Variants in HYOU1 observed in about 807,000 individuals in gnomAD.
The protein encoded by HYOU1 is hypoxia up-regulated 1.
In HYOU1, 40 loss-of-function variants were observed where a neutral mutation model predicts 120.5. The observed-to-expected ratio is 0.33, with a 90% CI of 0.26 to 0.43. The LOEUF (loss-of-function observed/expected upper bound fraction) is 0.43. Ranked by LOEUF, HYOU1 falls within the 20% of genes least tolerant of loss-of-function variation. The pLI is 1.00. For synonymous variants in HYOU1, 501 were observed against 479.4 expected, an observed-to-expected ratio of 1.05 and a Z score of -0.59; for missense variants, 1,085 against 1,278.3, an observed-to-expected ratio of 0.85 and a Z score of 2.31.
chr11:119,054,114 C>T lies in HYOU1; in HGVS notation c.794+7G>A. On this transcript the variant is annotated splice_region_variant and intron_variant, in intron 8 of 25. Coordinates refer to ENST00000617285, the MANE Select transcript of HYOU1 (RefSeq NM_006389.5). ...CAAGCAGCCCTCCCTGCCAAGTATC[C>T]ACTTACCCTACTCCCCGGATCTGCA... 1 of 1,584,666 alleles carries T rather than the reference C, an allele frequency of 6.3e-7. No individual in the cohort carries two copies. The highest frequency in any genetic ancestry group is 8.7e-7 in the Non-Finnish European group (1 of 1,153,612).
rs1944000474 is a variant in HYOU1, at chr11:119,045,404, C to T, written c.*189G>A. 3 of 709,246 alleles carry T rather than the reference C, an allele frequency of 4.2e-6. No homozygotes were observed. The highest frequency in any genetic ancestry group is 5.3e-5 in the East Asian group (2 of 38,008). The allele number at this position is 709,246 out of a possible 1,614,324, so 43.9% of individuals were successfully genotyped here. On this transcript the variant is annotated 3_prime_UTR_variant, in exon 26 of 26. Coordinates refer to ENST00000617285, the MANE Select transcript of HYOU1 (RefSeq NM_006389.5). ...GAGGAGAACAGTTTCCATTTTTAAC[C>T]ACAGAGGTACTGCAGAAGGAACCAG...
In HYOU1 at chr11:119,047,962, G is replaced by GA; in HGVS notation, c.2494dup (p.Ser832PhefsTer20). ...GGCTGCTCACTTGAGGAACATGCTG[G>GA]AATGGTTGAGGAGATTATCGAGGGC... On this transcript the variant is annotated frameshift_variant, in exon 21 of 26. Transcript: ENST00000617285. LOFTEE classifies it high-confidence loss of function. 1.2e-6 allele frequency: 2 copies of GA among 1,614,198 alleles called. No homozygotes were observed. The highest frequency in any genetic ancestry group is 1.7e-6 in the Non-Finnish European group (2 of 1,180,030).
At position 119,047,719 on chromosome 11, in the gene HYOU1, T is replaced by C. The variant is rs2134681490; in HGVS notation, c.2595+15A>G. 2.5e-6 allele frequency: 4 copies of C among 1,603,506 alleles called. No individual in the cohort carries two copies. In the African/African-American group the frequency reaches 4.0e-5, roughly 16 times the overall value. ...GGCAGCTAAGTATCTGGTTAAGTAT[T>C]TACGAAGTGATTACCCAGGTCTCAT... is the stretch of plus-strand genomic sequence containing the variant. On this transcript the variant is annotated intron_variant, in intron 22 of 25. Coordinates refer to ENST00000617285, the MANE Select transcript of HYOU1 (RefSeq NM_006389.5).
At chr11:119,047,037 A>C (rs1370997189) in intron 22 of HYOU1, 5 of 519,146 alleles carry the variant, frequency 9.6e-6, no homozygotes, top group Admixed American at 7.1e-5. Context: ...AGTGACTACA[A>C]CTGAACAAAC....
intron 16 of HYOU1, 71 bp from the exon 17 acceptor site, chr11:119,049,274 GCCGACC>G: frequency 6.3e-7 from 1 of 1,591,272 alleles, no homozygotes; most frequent in African/African-American, 1.3e-5. Context: ...GCTCGGCACC[GCCGACC>G]CCATGGGGGT....
rs2133609790 is a variant in HYOU1 at position 119,055,072 on chromosome 11, G to A, written c.420-12C>T. On this transcript the variant is annotated splice_polypyrimidine_tract_variant and intron_variant, in intron 5 of 25. Transcript: ENST00000617285. This position sits in a 1 kb window ranked among gnomAD's most constrained non-coding sequence, Gnocchi z 4.0. ...AGAACTGCAGCTGCCTGAGGGGAAG[G>A]AAGGTAGTTGGAGCCAAGGAAAGCC... 14 of 1,613,948 alleles carry A rather than the reference G, an allele frequency of 8.7e-6. No individual in the cohort carries two copies. The highest frequency in any genetic ancestry group is 1.2e-5 in the Non-Finnish European group (14 of 1,179,952).
Position 119,057,187 on chromosome 11 carries a change from G to A in HYOU1, c.-175C>T, listed in dbSNP as rs1176714840. 2 of 151,100 alleles carry A rather than the reference G, an allele frequency of 1.3e-5. No homozygotes were observed. The highest frequency in any genetic ancestry group is 3.0e-5 in the Non-Finnish European group (2 of 67,722). The allele number at this position is 151,100 out of a possible 1,614,324, so 9.4% of individuals were successfully genotyped here. A position where few individuals can be genotyped will look rare whatever the true frequency, so the allele number is the denominator to read the frequency against. On this transcript the variant is annotated 5_prime_UTR_variant, in exon 1 of 26. Coordinates refer to ENST00000617285, the MANE Select transcript of HYOU1 (RefSeq NM_006389.5). ...GCGTCTCGCGCACCAGCCGGCCCCG[G>A]ACGCGGCGCGCGCTCATTGGAGCCT...
intron 16 of HYOU1, 143 bp from the exon 17 acceptor site, chr11:119,049,346 A>C: frequency 6.4e-7 from 1 of 1,553,450 alleles, no homozygotes; most frequent in South Asian, 1.2e-5. Flanking sequence ...GACTGTGGCA[A>C]TCTAGCTGGA....
rs1944207173 is a variant in HYOU1 at position 119,048,316 on chromosome 11, C to T, written c.2308G>A (p.Glu770Lys). ...QEVSTEEQRE[E>K]ISGKLSAAST... The stretch of plus-strand genomic sequence containing the variant: ...GCGGCGCTGAGCTTCCCAGAGATCT[C>T]CTCACGCTGCTCCTCTGTGGACACT... Residue 770 changes from glutamate (E) to lysine (K), a missense_variant, in exon 20 of 26, where the codon GAG (glutamate) becomes AAG (lysine). This residue lies in a region of HYOU1 where 516 missense variants were observed against 517.1 expected (regional missense o/e 1.00). Coordinates refer to ENST00000617285, the MANE Select transcript of HYOU1 (RefSeq NM_006389.5). This position sits in a 1 kb window ranked among gnomAD's most constrained non-coding sequence, Gnocchi z 4.7. 1.9e-6 allele frequency: 3 copies of T among 1,610,844 alleles called. No homozygotes were observed. The South Asian group carries it at 3.3e-5, about 18-fold the overall frequency.
In HYOU1 at chr11:119,048,145, T is replaced by C; in HGVS notation, c.2377-65A>G. The C allele has an allele frequency of 6.2e-7, 1 of 1,611,794 alleles. No homozygotes were observed. Among genetic ancestry groups the C allele is most frequent in the Non-Finnish European group, 8.5e-7 (1 of 1,179,604 alleles). On this transcript the variant is annotated intron_variant, in intron 20 of 25. Transcript: ENST00000617285. This position sits in a 1 kb window ranked among gnomAD's most constrained non-coding sequence, Gnocchi z 4.7. ...ACAGCAGAGCCTGGAGTCAGCCCCA[T>C]GTCCTTCTTTATGGGCTCAAGCCCC...
At position 119,048,118 on chromosome 11, in the gene HYOU1, C is replaced by G. The variant is rs201125780; in HGVS notation, c.2377-38G>C. The G allele has an allele frequency of 6.2e-7, 1 of 1,613,098 alleles. No homozygotes were observed. Among genetic ancestry groups the G allele is most frequent in the African/African-American group, 1.3e-5 (1 of 74,910 alleles). Reference sequence around the variant, plus strand: ...CGATTGGGCAGAGGGGTGGAAGGGACGACAGCAGAGCCTGGAGTCAGCCCC... The same window carrying G: ...CGATTGGGCAGAGGGGTGGAAGGGAGGACAGCAGAGCCTGGAGTCAGCCCC... On this transcript the variant is annotated intron_variant, in intron 20 of 25. Transcript: ENST00000617285. The surrounding 1 kb of genome is among the most constrained non-coding windows in gnomAD (Gnocchi z 4.7).
Position 119,049,572 on chromosome 11 carries a change from C to T in HYOU1, c.1790G>A (p.Gly597Asp). The T allele has an allele frequency of 6.2e-7, 1 of 1,614,150 alleles. No homozygotes were observed. The highest frequency in any genetic ancestry group is 1.1e-5 in the South Asian group (1 of 91,084). The change falls in exon 16 of 26, where the codon GGT becomes GAT. Residue 597 changes from glycine to aspartate, a missense_variant. Around this residue, in one of 4 missense-constraint regions of HYOU1, gnomAD observed 516 missense variants for 517.1 expected, o/e 1.00. Coordinates refer to ENST00000617285, the MANE Select transcript of HYOU1 (RefSeq NM_006389.5). The part of the protein sequence containing the change: ...GGTTPDAKEN[G>D]TDTVQEEEES... Reference sequence around the variant, plus strand: ...TGAACTCACCTGGACAGTATCAGTACCATTCTCCTTGGCATCTGGTGTGGT... The same window carrying T: ...TGAACTCACCTGGACAGTATCAGTATCATTCTCCTTGGCATCTGGTGTGGT...
chr11:119,051,837 T>C lies in HYOU1; in HGVS notation c.1320A>G (p.Ala440=), dbSNP rs1036439642. 6.2e-7 allele frequency: 1 copy of C among 1,614,002 alleles called. No homozygotes were observed. Among genetic ancestry groups the C allele is most frequent in the African/African-American group, 1.3e-5 (1 of 74,882 alleles). The change falls in exon 12 of 26, where the codon GCA becomes GCG. Residue 440 remains alanine, a synonymous_variant. Coordinates refer to ENST00000617285, the MANE Select transcript of HYOU1 (RefSeq NM_006389.5). This position sits in a 1 kb window ranked among gnomAD's most constrained non-coding sequence, Gnocchi z 4.2. ...CACTCACCAGGATGGGGTAGACCAC[T>C]GCATCTCGGACGACAAATGGCTTCA... ...FKVKPFVVRD[A]VVYPILVEFT...
intron 24 of HYOU1, 148 bp downstream of exon 24, chr11:119,046,265 CTTTT>C (rs11349624): frequency 3.7e-3 from 1,823 of 491,620 alleles, no homozygotes; most frequent in African/African-American, 6.7e-3. Flanking sequence ...CGTGCCTGGC[CTTTT>C]TTTTTTTTTT....
chr11:119,048,806 C>G lies in HYOU1; in HGVS notation c.2073G>C (p.Arg691Ser), dbSNP rs1944241085. The part of the protein sequence containing the change: ...PEGEKKQKPA[R>S]KRRMVEEIGV... ...CGATCTCCTCTACCATTCGCCGCTT[C>G]CTGGCGGGCTTCTGCTTCTTCTCTC... is the stretch of plus-strand genomic sequence containing the variant. The change falls in exon 18 of 26, where the codon AGG (arginine) becomes AGC (serine). Residue 691 changes from arginine to serine, a missense_variant. Around this residue, in one of 4 missense-constraint regions of HYOU1, gnomAD observed 516 missense variants for 517.1 expected, o/e 1.00. Coordinates refer to ENST00000617285, the MANE Select transcript of HYOU1 (RefSeq NM_006389.5). The surrounding 1 kb of genome is among the most constrained non-coding windows in gnomAD (Gnocchi z 4.7). The G allele has an allele frequency of 1.2e-6, 2 of 1,614,148 alleles. No homozygotes were observed. Among genetic ancestry groups the G allele is most frequent in the Non-Finnish European group, 1.7e-6 (2 of 1,180,024 alleles).
rs201754853 is a variant in HYOU1, at chr11:119,048,470, A to C, written c.2253+6T>G. 1.9e-4 allele frequency: 307 copies of C among 1,613,858 alleles called. 2 individuals carry two copies. Among genetic ancestry groups the C allele is most frequent in the Middle Eastern group, 1.2e-3 (7 of 6,042 alleles). ...GTGGGGGGGCTGCTGCCTCCTGCCC[A>C]CTGACCTGGGTCTCAAATATGAATG... On this transcript the variant is annotated splice_donor_region_variant and intron_variant, in intron 19 of 25. Coordinates refer to ENST00000617285, the MANE Select transcript of HYOU1 (RefSeq NM_006389.5). This position sits in a 1 kb window ranked among gnomAD's most constrained non-coding sequence, Gnocchi z 4.7.
At position 119,052,968 on chromosome 11, in the gene HYOU1, A is replaced by G; in HGVS notation, c.795-139T>C. The G allele has an allele frequency of 1.3e-6, 1 of 746,190 alleles. No individual in the cohort carries two copies. The highest frequency in any genetic ancestry group is 2.1e-6 in the Non-Finnish European group (1 of 468,014). The allele number at this position is 746,190 out of a possible 1,614,324, so 46.2% of individuals were successfully genotyped here. A position where few individuals can be genotyped will look rare whatever the true frequency, so the allele number is the denominator to read the frequency against. ...CATCTCCAGTGCCCCATGTGTGGAC[A>G]CACACTCTGCCCTCAACTCTCTACA... is the stretch of plus-strand genomic sequence containing the variant. On this transcript the variant is annotated intron_variant, in intron 8 of 25. Transcript: ENST00000617285. This position sits in a 1 kb window ranked among gnomAD's most constrained non-coding sequence, Gnocchi z 5.0.
In HYOU1 at chr11:119,052,485, G is replaced by A; in HGVS notation, c.988-56C>T. The A allele has an allele frequency of 6.2e-7, 1 of 1,611,228 alleles. No homozygotes were observed. The highest frequency in any genetic ancestry group is 8.5e-7 in the Non-Finnish European group (1 of 1,178,474). On this transcript the variant is annotated intron_variant, in intron 9 of 25. Transcript: ENST00000617285. This position sits in a 1 kb window ranked among gnomAD's most constrained non-coding sequence, Gnocchi z 5.0. The stretch of plus-strand genomic sequence containing the variant: ...CTTGCCCAGCTCCCGCTCTCTTGGT[G>A]AGTAGGACAGAAACAAAAAGAATAG...
At position 119,048,040 on chromosome 11, in the gene HYOU1, T is replaced by C. The variant is rs2133560594; in HGVS notation, c.2417A>G (p.Gln806Arg). Residue 806 changes from glutamine (Q) to arginine (R), a missense_variant, in exon 21 of 26, where the codon CAA becomes CGA. Physicochemically the swap from Gln to Arg is conservative, Grantham distance 43. Transcript: ENST00000617285. This position sits in a 1 kb window ranked among gnomAD's most constrained non-coding sequence, Gnocchi z 4.7. Reference protein sequence around the residue: ...EKLAELRKLCQGLFFRVEERK... With the variant: ...EKLAELRKLCRGLFFRVEERK... Reference sequence around the variant, plus strand: ...CTCCTCTACCCGAAAAAACAGCCCTTGGCACAGCTTCCTCAGCTCAGCCAG... The same window carrying C: ...CTCCTCTACCCGAAAAAACAGCCCTCGGCACAGCTTCCTCAGCTCAGCCAG... 6.8e-6 allele frequency: 11 copies of C among 1,614,080 alleles called. No individual in the cohort carries two copies. The African/African-American group carries it at 1.5e-4, about 22-fold the overall frequency.
Sources: allele counts gnomAD v4.1 joint callset, GRCh38; gene constraint gnomAD v4.1.1; regional missense constraint gnomAD v4.1.1; non-coding constraint Gnocchi (gnomAD v3.1); transcripts MANE v1.5; gene names NCBI Gene and HGNC (gene_info 2026-07-23, HGNC 2026-07-21).